Variants in NEURL1B observed in about 807,000 individuals in gnomAD.
NEURL1B encodes E3 ubiquitin-protein ligase NEURL1B.
Under a neutral mutation model 37.4 loss-of-function variants are expected in NEURL1B, and 13 were observed. The ratio of observed to expected loss-of-function variants is 0.35; its 90% confidence interval spans 0.23 to 0.55. NEURL1B has a LOEUF of 0.55. Among genes scored for constraint, NEURL1B ranks in the 20% least tolerant of loss-of-function variants. NEURL1B has a pLI of 0.89. For synonymous variants in NEURL1B, 432 were observed against 426.6 expected, an observed-to-expected ratio of 1.01 and a Z score of -0.16; for missense variants, 790 against 879.2, an observed-to-expected ratio of 0.90 and a Z score of 1.28.
rs1295881660 is a variant in NEURL1B at position 172,684,029 on chromosome 5, G to T, written c.1188G>T (p.Leu396=). 4.0e-5 allele frequency: 53 copies of T among 1,337,144 alleles called. No individual in the cohort carries two copies. Among genetic ancestry groups the T allele is most frequent in the Non-Finnish European group, 4.7e-5 (49 of 1,041,304 alleles). The allele number at this position is 1,337,144 out of a possible 1,614,324, so 82.8% of individuals were successfully genotyped here. ...FTLRPGGDVL[L]GINGRPRGRL... is the part of the protein sequence containing the mutation. ...TGCGGCCCGGCGGCGACGTGCTCCT[G>T]GGCATCAACGGGCGTCCGCGCGGCC... The change falls in exon 3 of 5, where the codon CTG becomes CTT. Residue 396 remains leucine, a synonymous_variant. Coordinates refer to ENST00000369800, the MANE Select transcript of NEURL1B (RefSeq NM_001142651.3).
Position 172,676,961 on chromosome 5 carries a change from G to A in NEURL1B, c.578-6458G>A, listed in dbSNP as rs10063128. 0.13 allele frequency among the ~76,000 whole-genome samples: 20,225 copies of A among 152,138 alleles called. 4,053 individuals carry two copies. The highest frequency in any genetic ancestry group is 0.44 in the African/African-American group (18,055 of 41,422). On this transcript the variant is annotated intron_variant, in intron 2 of 4. Transcript: ENST00000369800. The surrounding 1 kb of genome is among the most constrained non-coding windows in gnomAD (Gnocchi z 4.5). Reference sequence around the variant, plus strand: ...AGTTAAATGCAGGGTTCGGAGGTCTGAGCGCACCATTCCAGGCTGCAGGAG... The same window carrying A: ...AGTTAAATGCAGGGTTCGGAGGTCTAAGCGCACCATTCCAGGCTGCAGGAG...
At chr5:172,681,034 G>A (rs1476256234) in intron 2 of NEURL1B, among the ~76,000 whole-genome samples, 1 of 152,166 alleles carries the variant, frequency 6.6e-6, no homozygotes, top group Non-Finnish European at 1.5e-5. Flanking sequence ...GAAGGTGAAG[G>A]GGAAGTAGGC....
chr5:172,666,199 C>CA (rs772672110), intron 1 of NEURL1B, among the ~76,000 whole-genome samples: 1,531 of 106,742 alleles, frequency 0.014, 12 homozygotes, highest in Non-Finnish European at 0.02. Flanking sequence ...CCACCACCAC[C>CA]AAAAAAAAAC....
Position 172,683,705 on chromosome 5 carries a change from C to G in NEURL1B, c.864C>G (p.Pro288=). 1 of 1,356,684 alleles carries G rather than the reference C, an allele frequency of 7.4e-7. No homozygotes were observed. The highest frequency in any genetic ancestry group is 9.6e-7 in the Non-Finnish European group (1 of 1,046,832). 84.0% of individuals were successfully genotyped at this position (1,356,684 alleles called of 1,614,324 possible). The change falls in exon 3 of 5, where the codon CCC becomes CCG. Residue 288 remains proline (P), a synonymous_variant. Coordinates refer to ENST00000369800, the MANE Select transcript of NEURL1B (RefSeq NM_001142651.3). The surrounding 1 kb of genome is among the most constrained non-coding windows in gnomAD (Gnocchi z 5.6). Reference sequence around the variant, plus strand: ...TGCGCTTCCACGCAACACGCGGGCCCGACGTGAGCCTGTCGGCCGACCGCA... The same window carrying G: ...TGCGCTTCCACGCAACACGCGGGCCGGACGTGAGCCTGTCGGCCGACCGCA... The part of the protein sequence containing the change: ...ADLRFHATRG[P]DVSLSADRKV...
chr5:172,652,138 C>T (rs780705094), intron 1 of NEURL1B, among the ~76,000 whole-genome samples: 7 of 152,218 alleles, frequency 4.6e-5, no homozygotes, highest in Non-Finnish European at 7.3e-5. Context: ...ATGAGAGACA[C>T]GAAGTGAACT....
At position 172,669,848 on chromosome 5, in the gene NEURL1B, G is replaced by A. The variant is rs1191337355; in HGVS notation, c.95G>A (p.Arg32His). The change falls in exon 2 of 5, where the codon CGC becomes CAC. Residue 32 changes from arginine to histidine, a missense_variant. By Grantham distance (29) the Arg-to-His change is conservative. Coordinates refer to ENST00000369800, the MANE Select transcript of NEURL1B (RefSeq NM_001142651.3). ...RPCCGPGPER[R>H]PVLGEAPRFH... is the part of the protein sequence containing the mutation. ...TGCTGCGGCCCCGGCCCCGAGCGAC[G>A]CCCGGTCCTGGGCGAGGCGCCGCGC... 2.2e-6 allele frequency: 3 copies of A among 1,368,350 alleles called. No homozygotes were observed. Among genetic ancestry groups the A allele is most frequent in the South Asian group, 1.7e-5 (1 of 59,776 alleles). The allele number at this position is 1,368,350 out of a possible 1,614,324, so 84.8% of individuals were successfully genotyped here. A position where few individuals can be genotyped will look rare whatever the true frequency, so the allele number is the denominator to read the frequency against.
rs142990742 is a variant in NEURL1B, at chr5:172,666,657, C to T, written c.32-3128C>T. Among the ~76,000 whole-genome samples, 335 of 152,308 alleles carry T rather than the reference C, an allele frequency of 2.2e-3. 2 individuals are homozygous for T. The highest frequency in any genetic ancestry group is 7.5e-3 in the African/African-American group (313 of 41,566). On this transcript the variant is annotated intron_variant, in intron 1 of 4. Coordinates refer to ENST00000369800, the MANE Select transcript of NEURL1B (RefSeq NM_001142651.3). ...CAGAAAAAGAGGGATGGATACTGGG[C>T]AGGCAGAAACAGCAGGTGCCCCCAT...
At chr5:172,654,737 T>G (rs976680145) in intron 1 of NEURL1B, among the ~76,000 whole-genome samples, 6 of 152,152 alleles carry the variant, frequency 3.9e-5, no homozygotes, top group Non-Finnish European at 7.3e-5. Flanking sequence ...GGTTAGGGAT[T>G]TTTGATAGGA....
At chr5:172,672,545 C>CCCG (rs1554098454) in intron 2 of NEURL1B, among the ~76,000 whole-genome samples, 35 of 130,736 alleles carry the variant, frequency 2.7e-4, no homozygotes, top group Middle Eastern at 4.7e-3. Flanking sequence ...AACTCTCCCC[C>CCCG]CCCCACTCTA....
chr5:172,683,967 C>G lies in NEURL1B; in HGVS notation c.1126C>G (p.Pro376Ala). ...GTACTGGGTGGTGGCGCGCGCCGGG[C>G]CCGTGCCGAGCGGCGGCGACGCGCT... ...KEYWVVARAGPVPSGGDALSF... is the reference protein window; with the variant it reads ...KEYWVVARAGAVPSGGDALSF... Residue 376 changes from proline (P) to alanine (A), a missense_variant, in exon 3 of 5, where the codon CCC becomes GCC. Pro to Ala is a conservative substitution (Grantham distance 27, BLOSUM62 -1). This residue lies in a region of NEURL1B where 460 missense variants were observed against 407.4 expected (regional missense o/e 1.13). Coordinates refer to ENST00000369800, the MANE Select transcript of NEURL1B (RefSeq NM_001142651.3). This position sits in a 1 kb window ranked among gnomAD's most constrained non-coding sequence, Gnocchi z 5.6. The G allele has an allele frequency of 7.6e-7, 1 of 1,324,112 alleles. No homozygotes were observed. The highest frequency in any genetic ancestry group is 9.7e-7 in the Non-Finnish European group (1 of 1,034,446). 82.0% of individuals were successfully genotyped at this position (1,324,112 alleles called of 1,614,324 possible).
chr5:172,641,438 G>A lies in NEURL1B; in HGVS notation c.31+1G>A. ...AACACGGTGCACCGGACCCTGCCAG[G>A]TACGCCGGGGAGCCCTGCCCGGGAG... On this transcript the variant is annotated splice_donor_variant, in intron 1 of 4. Coordinates refer to ENST00000369800, the MANE Select transcript of NEURL1B (RefSeq NM_001142651.3). LOFTEE classifies it high-confidence loss of function. The surrounding 1 kb of genome is among the most constrained non-coding windows in gnomAD (Gnocchi z 6.4). The A allele has an allele frequency of 7.5e-7, 1 of 1,326,948 alleles. No homozygotes were observed. 82.2% of individuals were successfully genotyped at this position (1,326,948 alleles called of 1,614,324 possible).
At chr5:172,670,938 G>A (rs1758119802) in intron 2 of NEURL1B, among the ~76,000 whole-genome samples, 1 of 152,230 alleles carries the variant, frequency 6.6e-6, no homozygotes, top group African/African-American at 2.4e-5. Context: ...GCTGACAGGT[G>A]TGAGCCCGAT....
chr5:172,670,952 C>T (rs1289851978), intron 2 of NEURL1B, among the ~76,000 whole-genome samples: 1 of 152,220 alleles, frequency 6.6e-6, no homozygotes, highest in East Asian at 1.9e-4. Context: ...GCCCGATTCT[C>T]ACGGAGGAGG....
At position 172,686,094 on chromosome 5, in the gene NEURL1B, A is replaced by C; in HGVS notation, c.1298-77A>C. 5 of 1,517,536 alleles carry C rather than the reference A, an allele frequency of 3.3e-6. No homozygotes were observed. Among genetic ancestry groups the C allele is most frequent in the Non-Finnish European group, 4.4e-6 (5 of 1,126,942 alleles). The allele number at this position is 1,517,536 out of a possible 1,614,324, so 94.0% of individuals were successfully genotyped here. On this transcript the variant is annotated intron_variant, in intron 3 of 4. Coordinates refer to ENST00000369800, the MANE Select transcript of NEURL1B (RefSeq NM_001142651.3). The surrounding 1 kb of genome is among the most constrained non-coding windows in gnomAD (Gnocchi z 7.9). ...TCGTTAGACGGGAAAGCTAAGGTGCAAAGCAGTGAAGAACCATGGACTAGC... is the reference window on the plus strand; with the variant it reads ...TCGTTAGACGGGAAAGCTAAGGTGCCAAGCAGTGAAGAACCATGGACTAGC...
chr5:172,662,837 T>G (rs540592735), intron 1 of NEURL1B, among the ~76,000 whole-genome samples: 1 of 152,128 alleles, frequency 6.6e-6, no homozygotes, highest in Non-Finnish European at 1.5e-5. Flanking sequence ...TCCAAATCTC[T>G]GCCATGCATT....
At chr5:172,663,678 C>A (rs911495496) in intron 1 of NEURL1B, among the ~76,000 whole-genome samples, 2 of 151,806 alleles carry the variant, frequency 1.3e-5, no homozygotes, top group African/African-American at 4.8e-5. Context: ...GGCCTCAATT[C>A]TTGGTCAGAA....
chr5:172,672,830 G>T (rs1053035691), intron 2 of NEURL1B, among the ~76,000 whole-genome samples: 2 of 152,010 alleles, frequency 1.3e-5, no homozygotes. Flanking sequence ...GTATTAGAAG[G>T]AATTTCATCC....
At position 172,688,754 on chromosome 5, in the gene NEURL1B, CCA is replaced by C. The variant is rs1213286031; in HGVS notation, c.*1832_*1833del. On this transcript the variant is annotated 3_prime_UTR_variant, in exon 5 of 5. Coordinates refer to ENST00000369800, the MANE Select transcript of NEURL1B (RefSeq NM_001142651.3). This position sits in a 1 kb window ranked among gnomAD's most constrained non-coding sequence, Gnocchi z 4.3. ...AGAATCTTTTGAGCAGCTTTTGGAA[CCA>C]CAGTGTTTGCCAAGATAAGAGTTTG... is the stretch of plus-strand genomic sequence containing the variant. The C allele has an allele frequency of 6.6e-6, 1 of 152,268 alleles. No homozygotes were observed. The highest frequency in any genetic ancestry group is 1.5e-5 in the Non-Finnish European group (1 of 68,052). The allele number at this position is 152,268 out of a possible 1,614,324, so 9.4% of individuals were successfully genotyped here.
At chr5:172,649,423 G>C (rs752761794) in intron 1 of NEURL1B, among the ~76,000 whole-genome samples, 1 of 125,050 alleles carries the variant, frequency 8.0e-6, no homozygotes, top group Non-Finnish European at 1.6e-5. Flanking sequence ...GTGCAGTGGT[G>C]CAATCTTGGC....
Sources: gnomAD v4.1 joint callset for allele counts (sites outside exome capture counted in the v4.1 genomes callset) on GRCh38, gnomAD v4.1.1 for gene constraint, gnomAD v4.1.1 regional missense constraint, Gnocchi (gnomAD v3.1) non-coding constraint, MANE v1.5 for transcripts, NCBI Gene and HGNC (gene_info 2026-07-23, HGNC 2026-07-21) for gene names.